ING5: variants seen among roughly 807,000 people sequenced by gnomAD.
ING5 encodes the protein inhibitor of growth protein 5.
A neutral mutation model predicts 37.4 loss-of-function variants in ING5; 17 were observed. That is an observed-to-expected ratio of 0.45 (90% CI 0.31 to 0.68). ING5 has a LOEUF of 0.68. Ranked by LOEUF, ING5 falls within the 30% of genes least tolerant of loss-of-function variation. The pLI is 0.05. For synonymous variants in ING5, 123 were observed against 116.6 expected, an observed-to-expected ratio of 1.06 and a Z score of -0.36; for missense variants, 233 against 311.9, an observed-to-expected ratio of 0.75 and a Z score of 1.91.
chr2:241,721,477 T>C (rs994182743), intron 5 of ING5: 2 of 985,490 alleles, frequency 2.0e-6, no homozygotes, highest in African/African-American at 1.7e-5. Context: ...GGGTGCATGC[T>C]GAGCCCGAGT....
At chr2:241,721,466 C>T (rs896475886) in intron 5 of ING5, 4 of 985,354 alleles carry the variant, frequency 4.1e-6, no homozygotes, top group Non-Finnish European at 4.8e-6. Context: ...GCGGGGAGGC[C>T]GGGTGCATGC....
intron 2 of ING5, 42 bp from the exon 3 acceptor site, chr2:241,709,174 G>C: frequency 6.4e-7 from 1 of 1,570,540 alleles, no homozygotes; most frequent in Non-Finnish European, 8.7e-7. Flanking sequence ...GCACATCATG[G>C]TGTCTTGTGC....
rs371553419 is a variant in ING5, at chr2:241,709,296, C to T, written c.190C>T (p.Arg64Cys). 4.3e-6 allele frequency: 7 copies of T among 1,614,094 alleles called. No individual in the cohort carries two copies. Among genetic ancestry groups the T allele is most frequent in the East Asian group, 2.2e-5 (1 of 44,880 alleles). ...KTLSPDQRVE[R>C]LQKIQNAYSK... ...GCTGTCTCCAGACCAGCGCGTGGAG[C>T]GCCTGCAGAAGATCCAGAACGCCTA... Residue 64 changes from arginine to cysteine, a missense_variant, in exon 3 of 8, where the codon CGC (arginine) becomes TGC (cysteine). Coordinates refer to ENST00000313552, the MANE Select transcript of ING5 (RefSeq NM_032329.6).
At chr2:241,720,885 G>A (rs1267679719) in intron 5 of ING5, 1 of 985,536 alleles carries the variant, frequency 1.0e-6, no homozygotes, top group African/African-American at 1.7e-5. Flanking sequence ...CGCTCCCTCA[G>A]GCGAGACTGA....
chr2:241,712,158 G>A lies in ING5; in HGVS notation c.482+87G>A, dbSNP rs554027184. 7.5e-6 allele frequency: 8 copies of A among 1,065,368 alleles called. No homozygotes were observed. The East Asian group carries it at 1.6e-4, about 21-fold the overall frequency. 66.0% of individuals were successfully genotyped at this position (1,065,368 alleles called of 1,614,324 possible). On this transcript the variant is annotated intron_variant, in intron 5 of 7. Transcript: ENST00000313552. ...TAGGAACACTGATGGAAGCTGACCC[G>A]AGTGAAGTGCACCCCGTGTGCCGGG...
chr2:241,701,098 C>T (rs951803504), upstream of ING5, among the ~76,000 whole-genome samples: 81 of 150,010 alleles, frequency 5.4e-4, 1 homozygote, highest in African/African-American at 1.9e-3. Flanking sequence ...GGACTACAGG[C>T]GTGCGCCACC....
chr2:241,694,789 C>T (rs1032983471), intron 2 of ING5, among the ~76,000 whole-genome samples: 2 of 142,698 alleles, frequency 1.4e-5, no homozygotes, highest in African/African-American at 2.6e-5. Flanking sequence ...GAGGCCGAGG[C>T]GAGTGGATGA....
intron 5 of ING5, among the ~76,000 whole-genome samples, chr2:241,716,515 G>A (rs970883475): frequency 3.4e-5 from 5 of 148,656 alleles, no homozygotes; most frequent in South Asian, 4.3e-4. Context: ...GGCTGGTCTC[G>A]AACCCCTGAC....
rs1308105471 is a variant in ING5, at chr2:241,729,152, A to G, written c.*4121A>G. 1 of 152,616 alleles carries G rather than the reference A, an allele frequency of 6.6e-6. No individual in the cohort carries two copies. Among genetic ancestry groups the G allele is most frequent in the African/African-American group, 2.4e-5 (1 of 41,438 alleles). 9.5% of individuals were successfully genotyped at this position (152,616 alleles called of 1,614,324 possible). A position where few individuals can be genotyped will look rare whatever the true frequency, so the allele number is the denominator to read the frequency against. On this transcript the variant is annotated 3_prime_UTR_variant, in exon 8 of 8. Coordinates refer to ENST00000313552, the MANE Select transcript of ING5 (RefSeq NM_032329.6). ...TTTAGTGAGCAGTGATTGGCCTTCA[A>G]TACTTGTGCTGAGAGGAATTTTAAG...
At chr2:241,723,974 C>A in intron 7 of ING5, 1 of 1,268,534 alleles carries the variant, frequency 7.9e-7, no homozygotes, top group Non-Finnish European at 1.1e-6. Flanking sequence ...CGCGCCACTG[C>A]ACTCCAGCCT....
chr2:241,691,229 AGGAG>A (rs2069549280), intron 2 of ING5, among the ~76,000 whole-genome samples: 3 of 150,124 alleles, frequency 2.0e-5, no homozygotes, highest in Non-Finnish European at 4.4e-5. Flanking sequence ...ATTTGAGGTC[AGGAG>A]TTCAAGACCA....
At chr2:241,719,370 CAA>C in intron 5 of ING5, 2 of 672,588 alleles carry the variant, frequency 3.0e-6, no homozygotes, top group Non-Finnish European at 5.3e-6. Context: ...CCCAACCCCC[CAA>C]CACCCCCCAC....
intron 5 of ING5, chr2:241,720,576 A>T: frequency 1.0e-6 from 1 of 986,762 alleles, no homozygotes; most frequent in South Asian, 4.7e-5. Flanking sequence ...TGTCACCTGT[A>T]GCACCTGGAA....
chr2:241,715,034 C>A (rs1457650087), intron 5 of ING5, among the ~76,000 whole-genome samples: 1 of 152,162 alleles, frequency 6.6e-6, no homozygotes, highest in East Asian at 1.9e-4. Flanking sequence ...ACTATTCTAG[C>A]TTTTTAAGGT....
At chr2:241,712,172 C>T (rs2070130886) in intron 5 of ING5, 101 bp downstream of exon 5, 2 of 946,846 alleles carry the variant, frequency 2.1e-6, no homozygotes, top group South Asian at 3.3e-5. Context: ...GAAGTGCACC[C>T]CGTGTGCCGG....
At chr2:241,713,118 G>C (rs1326179432) in intron 5 of ING5, among the ~76,000 whole-genome samples, 2 of 150,032 alleles carry the variant, frequency 1.3e-5, no homozygotes, top group South Asian at 4.2e-4. Context: ...GTGCAATGGC[G>C]CCATCTCGGC....
intron 5 of ING5, chr2:241,721,721 C>T: frequency 2.0e-6 from 2 of 985,354 alleles, no homozygotes; most frequent in Non-Finnish European, 2.4e-6. Context: ...TCTTTCTGTA[C>T]TAATGGGAAT....
At chr2:241,693,650 CTCTT>C (rs1159238560) in intron 2 of ING5, among the ~76,000 whole-genome samples, 1 of 87,648 alleles carries the variant, frequency 1.1e-5, no homozygotes, top group African/African-American at 3.3e-5. Flanking sequence ...AGAAATACAA[CTCTT>C]TTTTTTTTTT....
At chr2:241,701,500 G>A (rs1379144181), upstream of ING5, among the ~76,000 whole-genome samples, 1 of 152,200 alleles carries the variant, frequency 6.6e-6, no homozygotes, top group Non-Finnish European at 1.5e-5. Context: ...CAGGCCCTGA[G>A]GGAGGGGCAG....
Sources: allele counts gnomAD v4.1 joint callset (sites outside exome capture counted in the v4.1 genomes callset), GRCh38; gene constraint gnomAD v4.1.1; transcripts MANE v1.5; gene names NCBI Gene and HGNC (gene_info 2026-07-23, HGNC 2026-07-21).